GABRB1: variants seen among roughly 807,000 people sequenced by gnomAD.
GABRB1 encodes the protein gamma-aminobutyric acid type A receptor subunit beta1, also known as gamma-aminobutyric acid receptor subunit beta-1.
A neutral mutation model predicts 51.6 loss-of-function variants in GABRB1; 17 were observed. The observed-to-expected ratio is 0.33, with a 90% CI of 0.23 to 0.49. GABRB1 has a LOEUF of 0.49. Among genes scored for constraint, GABRB1 ranks in the 20% least tolerant of loss-of-function variants. The pLI is 0.99. For synonymous variants in GABRB1, 247 were observed against 218.9 expected (o/e 1.13, Z -1.14); for missense variants, 410 against 600.6 (o/e 0.68, Z 3.32).
intron 4 of GABRB1, among the ~76,000 whole-genome samples, chr4:47,299,674 C>T (rs1175341879): frequency 8.5e-5 from 13 of 152,158 alleles, no homozygotes; most frequent in East Asian, 1.9e-4. Flanking sequence ...TTGTGGAAGT[C>T]AGTGTGGCGA....
At chr4:47,022,545 A>G (rs1724955744) in intron 1 of GABRB1, among the ~76,000 whole-genome samples, 1 of 152,114 alleles carries the variant, frequency 6.6e-6, no homozygotes, top group Admixed American at 6.6e-5. Context: ...ATGACTAATT[A>G]ATGCTGTTTA....
intron 4 of GABRB1, among the ~76,000 whole-genome samples, chr4:47,274,068 T>A (rs1454908956): frequency 6.6e-6 from 1 of 152,142 alleles, no homozygotes; most frequent in Non-Finnish European, 1.5e-5. Context: ...TGGATAATGC[T>A]TCCATCCTCT....
At chr4:47,000,037 C>T (rs530378816) in intron 1 of GABRB1, among the ~76,000 whole-genome samples, 3 of 152,292 alleles carry the variant, frequency 2.0e-5, no homozygotes, top group African/African-American at 4.8e-5. Context: ...GAGCTGGACT[C>T]ATGTCACCTT....
At chr4:47,190,739 A>G (rs1050282474) in intron 4 of GABRB1, among the ~76,000 whole-genome samples, 1 of 152,132 alleles carries the variant, frequency 6.6e-6, no homozygotes, top group African/African-American at 2.4e-5. Flanking sequence ...TTTAATGTAT[A>G]TTTGAATCAC....
At chr4:47,323,248 C>T (rs1725146091) in intron 5 of GABRB1, among the ~76,000 whole-genome samples, 1 of 152,114 alleles carries the variant, frequency 6.6e-6, no homozygotes, top group Non-Finnish European at 1.5e-5. Context: ...AAAAGAGAAG[C>T]TTCTGATGAC....
intron 1 of GABRB1, among the ~76,000 whole-genome samples, chr4:47,014,913 T>C (rs1446889817): frequency 6.9e-6 from 1 of 145,666 alleles, no homozygotes; most frequent in African/African-American, 2.5e-5. Flanking sequence ...TTTATTTATT[T>C]ATTTATTTAT....
chr4:47,079,686 A>T (rs1487067415), intron 3 of GABRB1, among the ~76,000 whole-genome samples: 1 of 151,958 alleles, frequency 6.6e-6, no homozygotes, highest in South Asian at 2.1e-4. Context: ...TGATGAGTTC[A>T]TGTCCTTTGT....
At chr4:47,243,262 A>ACC in intron 4 of GABRB1, among the ~76,000 whole-genome samples, 1 of 152,102 alleles carries the variant, frequency 6.6e-6, no homozygotes, top group African/African-American at 2.4e-5. Flanking sequence ...TTTTGGTAAA[A>ACC]AGTACCATGC....
At chr4:46,997,991 G>A (rs995497102) in intron 1 of GABRB1, among the ~76,000 whole-genome samples, 1 of 152,040 alleles carries the variant, frequency 6.6e-6, no homozygotes, top group African/African-American at 2.4e-5. Flanking sequence ...GTTTTTTGAG[G>A]AACCTCCATA....
intron 5 of GABRB1, 104 bp from the exon 6 acceptor site, chr4:47,403,214 C>A: frequency 7.8e-7 from 1 of 1,277,066 alleles, no homozygotes. Context: ...TAAAGCAATG[C>A]CACCTTACCA....
intron 4 of GABRB1, among the ~76,000 whole-genome samples, chr4:47,194,334 A>G (rs1034565903): frequency 9.9e-5 from 15 of 152,190 alleles, no homozygotes; most frequent in African/African-American, 3.4e-4. Flanking sequence ...TAACAAGCTT[A>G]CATTTTTTCA....
intron 3 of GABRB1, among the ~76,000 whole-genome samples, chr4:47,110,116 G>C (rs1715154976): frequency 1.3e-5 from 2 of 152,142 alleles, no homozygotes; most frequent in African/African-American, 4.8e-5. Context: ...TGTCTAGCTT[G>C]AAGTTAGCAG....
chr4:47,020,183 G>T (rs962117370), intron 1 of GABRB1, among the ~76,000 whole-genome samples: 4 of 152,068 alleles, frequency 2.6e-5, no homozygotes, highest in African/African-American at 9.6e-5. Context: ...AGCATGTATG[G>T]TGTCTCCTCT....
At position 47,031,693 on chromosome 4, in the gene GABRB1, T is replaced by G; in HGVS notation, c.42T>G (p.Ser14=). The stretch of plus-strand genomic sequence containing the variant: ...ATCGAGAGAGTCTGGGGCTTCTCTC[T>G]TTCCCTGTGATGATTACCATGGTCT... ...VQNRESLGLL[S]FPVMITMVCC... The change falls in exon 1 of 9, where the codon TCT becomes TCG. Residue 14 remains serine (S), a synonymous_variant. Coordinates refer to ENST00000295454, the MANE Select transcript of GABRB1 (RefSeq NM_000812.4). The G allele has an allele frequency of 6.2e-7, 1 of 1,614,096 alleles. No individual in the cohort carries two copies. The highest frequency in any genetic ancestry group is 8.5e-7 in the Non-Finnish European group (1 of 1,179,910).
At chr4:47,134,687 G>C (rs903334598) in intron 3 of GABRB1, among the ~76,000 whole-genome samples, 3 of 152,136 alleles carry the variant, frequency 2.0e-5, no homozygotes, top group African/African-American at 7.2e-5. Context: ...TTTTAGTCTT[G>C]AAGTAGAGAT....
At position 47,032,524 on chromosome 4, in the gene GABRB1, C is replaced by T. The variant is rs1352835349; in HGVS notation, c.240+40C>T. On this transcript the variant is annotated intron_variant, in intron 3 of 8. Coordinates refer to ENST00000295454, the MANE Select transcript of GABRB1 (RefSeq NM_000812.4). Reference sequence around the variant, plus strand: ...GAGGGGCCCGGCGGTTCGGCTTACGCAGATGGGAAATGGACAGGTCCCTTT... The same window carrying T: ...GAGGGGCCCGGCGGTTCGGCTTACGTAGATGGGAAATGGACAGGTCCCTTT... The T allele has an allele frequency of 5.0e-6, 8 of 1,584,638 alleles. No homozygotes were observed. In the African/African-American group the frequency reaches 8.1e-5, roughly 16 times the overall value.
chr4:47,210,972 C>G (rs530152328), intron 4 of GABRB1, among the ~76,000 whole-genome samples: 1 of 152,066 alleles, frequency 6.6e-6, no homozygotes, highest in Non-Finnish European at 1.5e-5. Flanking sequence ...TGAGAAAAGC[C>G]CAGAGACATG....
intron 4 of GABRB1, among the ~76,000 whole-genome samples, chr4:47,298,434 T>C (rs918546725): frequency 6.6e-5 from 10 of 152,280 alleles, no homozygotes; most frequent in Admixed American, 4.6e-4. Context: ...AGCATTCTTA[T>C]ACACCAATAA....
chr4:47,426,047 A>G lies in GABRB1; in HGVS notation c.*29A>G, dbSNP rs1205033007. The stretch of plus-strand genomic sequence containing the variant: ...CTGTTCTAATGGTTCCATTTAGACT[A>G]CTTTCCTCTTCTATTGTTTTTTAAC... On this transcript the variant is annotated 3_prime_UTR_variant, in exon 9 of 9. Coordinates refer to ENST00000295454, the MANE Select transcript of GABRB1 (RefSeq NM_000812.4). The G allele has an allele frequency of 2.0e-6, 3 of 1,491,134 alleles. No individual in the cohort carries two copies. Among genetic ancestry groups the G allele is most frequent in the East Asian group, 2.3e-5 (1 of 43,622 alleles). The allele number at this position is 1,491,134 out of a possible 1,614,324, so 92.4% of individuals were successfully genotyped here. A position where few individuals can be genotyped will look rare whatever the true frequency, so the allele number is the denominator to read the frequency against.
Sources: gnomAD v4.1 joint callset for allele counts (sites outside exome capture counted in the v4.1 genomes callset) on GRCh38, gnomAD v4.1.1 for gene constraint, MANE v1.5 for transcripts, NCBI Gene and HGNC (gene_info 2026-07-23, HGNC 2026-07-21) for gene names.